Variants in SEL1L2 observed in about 807,000 individuals in gnomAD.
SEL1L2 encodes the protein protein sel-1 homolog 2.
A neutral mutation model predicts 98.8 loss-of-function variants in SEL1L2; 89 were observed. The ratio of observed to expected loss-of-function variants is 0.90; its 90% CI spans 0.76 to 1.07. SEL1L2 has a LOEUF of 1.07. Ranked by LOEUF, SEL1L2 falls within the 50% of genes least tolerant of loss-of-function variation. The pLI, the probability that SEL1L2 is intolerant of heterozygous loss-of-function variation, is 0.00. For synonymous variants in SEL1L2, 262 were observed against 278.5 expected (o/e 0.94, Z 0.59); for missense variants, 788 against 812.0 (o/e 0.97, Z 0.36).
chr20:13,920,658 T>C (rs533696989), intron 3 of SEL1L2, among the ~76,000 whole-genome samples: 4 of 152,230 alleles, frequency 2.6e-5, no homozygotes, highest in South Asian at 2.1e-4. Context: ...CAACACTTAG[T>C]AAAATCTTTG....
intron 12 of SEL1L2, 133 bp downstream of exon 12, chr20:13,875,902 ACTT>A: frequency 1.4e-6 from 1 of 704,536 alleles, no homozygotes; most frequent in Non-Finnish European, 2.5e-6. Context: ...CCAGTATTAT[ACTT>A]CTCCAGGACA....
chr20:13,973,683 T>C (rs915345750), intron 1 of SEL1L2, among the ~76,000 whole-genome samples: 11 of 152,222 alleles, frequency 7.2e-5, no homozygotes, highest in African/African-American at 2.7e-4. Context: ...TTTTTGACTA[T>C]CTACTGCACA....
chr20:13,994,394 T>C (rs755964467), upstream of SEL1L2, among the ~76,000 whole-genome samples: 123 of 152,186 alleles, frequency 8.1e-4, no homozygotes, highest in Non-Finnish European at 1.4e-3. Flanking sequence ...AATATTCCAT[T>C]CTTTACAATT....
intron 5 of SEL1L2, among the ~76,000 whole-genome samples, chr20:13,911,750 A>G (rs1417453231): frequency 6.6e-6 from 1 of 152,198 alleles, no homozygotes; most frequent in African/African-American, 2.4e-5. Flanking sequence ...GGAAGCAGCA[A>G]CTAAAGTATT....
chr20:13,913,344 C>T (rs568981962), intron 5 of SEL1L2: 1 of 152,946 alleles, frequency 6.5e-6, no homozygotes, highest in South Asian at 2.1e-4. Flanking sequence ...AAGTACAAAG[C>T]AGTCCTAATA....
chr20:13,964,981 G>A (rs1361697863), intron 1 of SEL1L2, among the ~76,000 whole-genome samples: 1 of 152,040 alleles, frequency 6.6e-6, no homozygotes. Flanking sequence ...CTATTTGAGA[G>A]TTTCTCTTTT....
intron 3 of SEL1L2, among the ~76,000 whole-genome samples, chr20:13,926,227 A>G (rs995940592): frequency 1.3e-5 from 2 of 152,212 alleles, no homozygotes; most frequent in African/African-American, 2.4e-5. Flanking sequence ...AGGCAGGAGA[A>G]TGGCGTGAAC....
At chr20:13,944,717 G>A (rs1266598606) in intron 2 of SEL1L2, among the ~76,000 whole-genome samples, 1 of 152,156 alleles carries the variant, frequency 6.6e-6, no homozygotes, top group Non-Finnish European at 1.5e-5. Flanking sequence ...GATGATGGGT[G>A]GATATAGAAT....
intron 5 of SEL1L2, among the ~76,000 whole-genome samples, chr20:13,910,785 A>G (rs1282328656): frequency 6.6e-6 from 1 of 152,234 alleles, no homozygotes; most frequent in Non-Finnish European, 1.5e-5. Flanking sequence ...CTGGGATTTG[A>G]GGATATTTGT....
chr20:13,876,148 A>G (rs755947169), intron 11 of SEL1L2, 33 bp from the exon 12 acceptor site: 1 of 1,481,978 alleles, frequency 6.7e-7, no homozygotes, highest in Non-Finnish European at 9.4e-7. Context: ...GATAGAAAAA[A>G]CAAAATAATT....
chr20:13,958,023 T>G (rs2050619196), intron 1 of SEL1L2, among the ~76,000 whole-genome samples: 1 of 152,202 alleles, frequency 6.6e-6, no homozygotes, highest in Admixed American at 6.5e-5. Flanking sequence ...TATTAAATAT[T>G]ATTATAAATA....
At position 13,907,742 on chromosome 20, in the gene SEL1L2, C is replaced by CTTTCTTTCT. The variant is rs1555880158; in HGVS notation, c.549+6039_549+6040insAGAAAGAAA. Among the ~76,000 whole-genome samples, 704 of 83,504 alleles carry CTTTCTTTCT rather than the reference C, an allele frequency of 8.4e-3. 4 individuals are homozygous for CTTTCTTTCT. Among genetic ancestry groups the CTTTCTTTCT allele is most frequent in the African/African-American group, 0.028 (591 of 20,992 alleles). 54.8% of individuals were successfully genotyped at this position (83,504 alleles called of 152,430 possible). On this transcript the variant is annotated intron_variant, in intron 5 of 19. Coordinates refer to ENST00000284951, the MANE Select transcript of SEL1L2 (RefSeq NM_025229.2). ...TCTTTCTTTCTTTCTTTCTTTCTTT[C>CTTTCTTTCT]TTTCTTTTCTTTTCTTTTCTTTTCT...
intron 18 of SEL1L2, among the ~76,000 whole-genome samples, chr20:13,855,813 T>A (rs1989067034): frequency 6.6e-6 from 1 of 152,206 alleles, no homozygotes; most frequent in Non-Finnish European, 1.5e-5. Context: ...TCCACGCCCT[T>A]GCGAGAGCTA....
chr20:13,864,688 A>G (rs1990716854), intron 17 of SEL1L2, among the ~76,000 whole-genome samples: 2 of 152,124 alleles, frequency 1.3e-5, no homozygotes, highest in Admixed American at 1.3e-4. Flanking sequence ...CATGCTAATG[A>G]TTGTAGTAAA....
intron 8 of SEL1L2, among the ~76,000 whole-genome samples, chr20:13,887,401 A>G (rs2047004994): frequency 2.0e-5 from 3 of 152,156 alleles, no homozygotes; most frequent in Admixed American, 2.0e-4. Context: ...CCTTACATTC[A>G]TTCCTTTAGG....
At chr20:13,927,629 G>A (rs186034630) in intron 3 of SEL1L2, among the ~76,000 whole-genome samples, 2 of 152,184 alleles carry the variant, frequency 1.3e-5, no homozygotes, top group Admixed American at 1.3e-4. Context: ...TTCAGAGTAA[G>A]TTAAATCCTA....
chr20:13,867,857 A>AC (rs1568852258), intron 14 of SEL1L2, among the ~76,000 whole-genome samples: 1 of 151,934 alleles, frequency 6.6e-6, no homozygotes. Context: ...GGCAACCTCA[A>AC]CCCCCCAAGA....
In SEL1L2 at chr20:13,887,838, A is replaced by G; in HGVS notation, c.676T>C (p.Leu226=). ...TTCTGTAGAACATTGATTCCCGACA[A>G]ATATCTGTACCCCTAAAACACAGAC... ...MSQMILGYRY[L]SGINVLQNCE... The change falls in exon 8 of 20, where the codon TTG becomes CTG. Residue 226 remains leucine, a synonymous_variant. Transcript: ENST00000284951. The G allele has an allele frequency of 6.2e-7, 1 of 1,613,366 alleles. No individual in the cohort carries two copies. The highest frequency in any genetic ancestry group is 8.5e-7 in the Non-Finnish European group (1 of 1,179,478).
rs115786874 is a variant in SEL1L2 at position 13,874,687 on chromosome 20, G to A, written c.1104+1351C>T. Among the ~76,000 whole-genome samples the A allele has an allele frequency of 1.7e-3, 253 of 152,284 alleles. 1 individual carries two copies. Among genetic ancestry groups the A allele is most frequent in the African/African-American group, 5.6e-3 (232 of 41,550 alleles). On this transcript the variant is annotated intron_variant, in intron 12 of 19. Transcript: ENST00000284951. Reference sequence around the variant, plus strand: ...CAACAATTCCATATAAATTACAAAGGAGAGGAGCAGAGTACTAGCCTTCTC... The same window carrying A: ...CAACAATTCCATATAAATTACAAAGAAGAGGAGCAGAGTACTAGCCTTCTC...
Sources: gnomAD v4.1 joint callset for allele counts (sites outside exome capture counted in the v4.1 genomes callset) on GRCh38, gnomAD v4.1.1 for gene constraint, MANE v1.5 for transcripts, NCBI Gene and HGNC (gene_info 2026-07-23, HGNC 2026-07-21) for gene names.